LCN8: variants seen among roughly 807,000 people sequenced by gnomAD.
The protein encoded by LCN8 is epididymal-specific lipocalin-8.
In LCN8, 16 loss-of-function variants were observed where a neutral mutation model predicts 22.8. The ratio of observed to expected loss-of-function variants is 0.70; its 90% CI spans 0.47 to 1.06. LCN8 has a LOEUF of 1.06. Among genes scored for constraint, LCN8 ranks in the 50% least tolerant of loss-of-function variants. LCN8 has a pLI of 0.00. For synonymous variants in LCN8, 92 were observed against 83.4 expected (o/e 1.10, Z -0.56); for missense variants, 189 against 203.3 (o/e 0.93, Z 0.43).
At chr9:136,756,125 A>T in intron 3 of LCN8, 1 of 1,045,530 alleles carries the variant, frequency 9.6e-7, no homozygotes, top group Non-Finnish European at 1.3e-6. Context: ...CATGGGGAAC[A>T]GCGCAGGGAA....
At chr9:136,758,398 C>T (rs1847258627), upstream of LCN8, 1 of 1,004,114 alleles carries the variant, frequency 1.0e-6, no homozygotes, top group Non-Finnish European at 1.2e-6. Flanking sequence ...ACCAGAGCCT[C>T]CAGCACTTTC....
chr9:136,757,762 C>T (rs951944796), intron 1 of LCN8, 145 bp downstream of exon 1: 14 of 1,564,292 alleles, frequency 8.9e-6, no homozygotes, highest in Middle Eastern at 1.7e-4. Context: ...ACAGACTCAG[C>T]GGAGAAGAAA....
rs199795045 is a variant in LCN8 at position 136,757,915 on chromosome 9, G to C, written c.16C>G (p.Arg6Gly). The C allele has an allele frequency of 4.6e-5, 74 of 1,613,716 alleles. No individual in the cohort carries two copies. Among genetic ancestry groups the C allele is most frequent in the Non-Finnish European group, 5.9e-5 (70 of 1,179,960 alleles). The change falls in exon 1 of 7, where the codon CGG becomes GGG. Residue 6 changes from arginine to glycine, a missense_variant. Coordinates refer to ENST00000371688, the MANE Select transcript of LCN8 (RefSeq NM_178469.4). Reference sequence around the variant, plus strand: ...TAAGAAGGAGAAGCCACCTTCTGCCGGTCCAGCTCCTCCATGGCTGCTGCC... The same window carrying C: ...TAAGAAGGAGAAGCCACCTTCTGCCCGTCCAGCTCCTCCATGGCTGCTGCC... Reference protein sequence around the residue: MEELDRQKIGGFWREV... With the variant: MEELDGQKIGGFWREV...
At chr9:136,757,341 T>C in intron 1 of LCN8, 173 bp from the exon 2 acceptor site, 1 of 1,445,652 alleles carries the variant, frequency 6.9e-7, no homozygotes, top group Non-Finnish European at 9.1e-7. Flanking sequence ...CAGGCATGTG[T>C]CCCTCCAAGC....
Position 136,754,483 on chromosome 9 carries a change from G to T in LCN8, c.*15C>A. On this transcript the variant is annotated 3_prime_UTR_variant, in exon 7 of 7. Coordinates refer to ENST00000371688, the MANE Select transcript of LCN8 (RefSeq NM_178469.4). ...GCGGGCGCTCCGAACCTTGTGGTCT[G>T]AGGCAGGAACTCCATTAAATCAGCT... The T allele has an allele frequency of 6.4e-7, 1 of 1,557,626 alleles. No homozygotes were observed.
rs1303589493 is a variant in LCN8, at chr9:136,754,567, C to T, written c.448-58G>A. On this transcript the variant is annotated intron_variant, in intron 6 of 6. Coordinates refer to ENST00000371688, the MANE Select transcript of LCN8 (RefSeq NM_178469.4). ...TGTGGTCTCTGGAGGCCCCACGGGG[C>T]TTCGATGAGGGCCACACGGCGGGAC... The T allele has an allele frequency of 2.6e-6, 4 of 1,539,404 alleles. No homozygotes were observed. The African/African-American group carries it at 5.5e-5, about 21-fold the overall frequency.
At position 136,755,156 on chromosome 9, in the gene LCN8, C is replaced by G. The variant is rs1216458214; in HGVS notation, c.426G>C (p.Arg142=). The change falls in exon 6 of 7, where the codon CGG becomes CGC. Residue 142 remains arginine, a synonymous_variant. Transcript: ENST00000371688. The part of the protein sequence containing the change: ...TGLYLAARPG[R]CAELLKEELI ...TCACCTCCTTCAGGAGCTCGGCACA[C>G]CGCCCTGCAGGATAGGCCAGCATGA... 11 of 1,594,258 alleles carry G rather than the reference C, an allele frequency of 6.9e-6. No homozygotes were observed. Among genetic ancestry groups the G allele is most frequent in the African/African-American group, 4.0e-5 (3 of 74,510 alleles).
intron 1 of LCN8, chr9:136,757,398 C>T: frequency 7.7e-6 from 11 of 1,420,572 alleles, no homozygotes; most frequent in Non-Finnish European, 1.0e-5. Context: ...GCAGCCCCTC[C>T]CCACTGGGCC....
Position 136,758,043 on chromosome 9 carries a change from C to T in LCN8, c.-113G>A, listed in dbSNP as rs1341680662. The T allele has an allele frequency of 1.3e-6, 2 of 1,546,644 alleles. No homozygotes were observed. Among genetic ancestry groups the T allele is most frequent in the Non-Finnish European group, 1.7e-6 (2 of 1,148,264 alleles). On this transcript the variant is annotated 5_prime_UTR_variant, in exon 1 of 7. Coordinates refer to ENST00000371688, the MANE Select transcript of LCN8 (RefSeq NM_178469.4). Reference sequence around the variant, plus strand: ...GGTTCCCCTGCTGCACAGCCTGGGCCGATTCTATACGGACAGTGCAGGCTT... The same window carrying T: ...GGTTCCCCTGCTGCACAGCCTGGGCTGATTCTATACGGACAGTGCAGGCTT...
chr9:136,756,612 C>G lies in LCN8; in HGVS notation c.156-20G>C. The G allele has an allele frequency of 6.2e-7, 1 of 1,611,926 alleles. No individual in the cohort carries two copies. Among genetic ancestry groups the G allele is most frequent in the Non-Finnish European group, 8.5e-7 (1 of 1,178,626 alleles). On this transcript the variant is annotated intron_variant, in intron 2 of 6. Coordinates refer to ENST00000371688, the MANE Select transcript of LCN8 (RefSeq NM_178469.4). The stretch of plus-strand genomic sequence containing the variant: ...CCTGAGCTGAAAGGCAGCAAAGTGC[C>G]CATCGGTAAAATGCTAGCCTGTGTC...
Position 136,756,574 on chromosome 9 carries a change from T to G in LCN8, c.174A>C (p.Ile58=). The change falls in exon 3 of 7, where the codon ATA becomes ATC. Residue 58 remains isoleucine, a synonymous_variant. Transcript: ENST00000371688. ...CTATTTCTGAGCCCACGATCTTCTC[T>G]ATCTCACAGCTTCCTGAGCTGAAAG... is the stretch of plus-strand genomic sequence containing the variant. The part of the protein sequence containing the change: ...VAYNSSGSCE[I]EKIVGSEIDS... 6.2e-7 allele frequency: 1 copy of G among 1,613,664 alleles called. No individual in the cohort carries two copies. The highest frequency in any genetic ancestry group is 1.7e-5 in the Admixed American group (1 of 60,026).
intron 1 of LCN8, 176 bp from the exon 2 acceptor site, chr9:136,757,344 C>T: frequency 6.9e-7 from 1 of 1,442,734 alleles, no homozygotes; most frequent in Non-Finnish European, 9.1e-7. Flanking sequence ...GCATGTGTCC[C>T]TCCAAGCGGT....
chr9:136,757,437 C>G, intron 1 of LCN8: 1 of 1,377,876 alleles, frequency 7.3e-7, no homozygotes, highest in South Asian at 1.6e-5. Flanking sequence ...GTCCCTAGGG[C>G]TTCTGCGACA....
rs187445660 is a variant in LCN8 at position 136,758,112 on chromosome 9, C to T, written c.-182G>A. On this transcript the variant is annotated 5_prime_UTR_variant, in exon 1 of 7. Transcript: ENST00000371688. ...GTCATCAGGACAGCTTGGCTGCTGG[C>T]AGCTCAGAGACGTGGGTTTCTGCAC... 132 of 1,460,446 alleles carry T rather than the reference C, an allele frequency of 9.0e-5. No individual in the cohort carries two copies. The highest frequency in any genetic ancestry group is 1.1e-4 in the Non-Finnish European group (121 of 1,105,034). The allele number at this position is 1,460,446 out of a possible 1,614,324, so 90.5% of individuals were successfully genotyped here. A position where few individuals can be genotyped will look rare whatever the true frequency, so the allele number is the denominator to read the frequency against.
upstream of LCN8, chr9:136,758,478 C>G: frequency 1.0e-6 from 1 of 991,338 alleles, no homozygotes; most frequent in Non-Finnish European, 1.2e-6. Flanking sequence ...CTCCGGAGGC[C>G]GGAGGCACAG....
At position 136,755,499 on chromosome 9, in the gene LCN8, C is replaced by T. The variant is rs749219813; in HGVS notation, c.244G>A (p.Val82Met). 7 of 1,612,498 alleles carry T rather than the reference C, an allele frequency of 4.3e-6. No individual in the cohort carries two copies. Among genetic ancestry groups the T allele is most frequent in the Admixed American group, 3.3e-5 (2 of 59,942 alleles). ...TAGCCCTCGTAGTCGGTGTCCAGCA[C>T]GTGGATCTCTCTGTGGCCTTCAAGA... is the stretch of plus-strand genomic sequence containing the variant. Reference protein sequence around the residue: ...FAFPGHREIHVLDTDYEGYAI... With the variant: ...FAFPGHREIHMLDTDYEGYAI... Residue 82 changes from valine to methionine, a missense_variant, in exon 4 of 7, where the codon GTG becomes ATG. Transcript: ENST00000371688.
In LCN8 at chr9:136,754,410, A is replaced by C; in HGVS notation, c.*88T>G. On this transcript the variant is annotated 3_prime_UTR_variant, in exon 7 of 7. Coordinates refer to ENST00000371688, the MANE Select transcript of LCN8 (RefSeq NM_178469.4). ...CTTGACTTCACAGTTTATTCAGAGCAGGTGCAGGTGACCTGGTGGGCAGGG... is the reference window on the plus strand; with the variant it reads ...CTTGACTTCACAGTTTATTCAGAGCCGGTGCAGGTGACCTGGTGGGCAGGG... 1 of 1,370,516 alleles carries C rather than the reference A, an allele frequency of 7.3e-7. No individual in the cohort carries two copies. Among genetic ancestry groups the C allele is most frequent in the Non-Finnish European group, 9.7e-7 (1 of 1,032,314 alleles). The allele number at this position is 1,370,516 out of a possible 1,614,324, so 84.9% of individuals were successfully genotyped here.
rs1847250171 is a variant in LCN8, at chr9:136,757,973, G to C, written c.-43C>G. 2.5e-6 allele frequency: 4 copies of C among 1,611,172 alleles called. No individual in the cohort carries two copies. The highest frequency in any genetic ancestry group is 1.1e-5 in the South Asian group (1 of 90,880). ...CCCGGAGCACCACGAGGACACCCAG[G>C]ATGGTGCACGGCAGCCTGGCCTCCG... On this transcript the variant is annotated 5_prime_UTR_variant, in exon 1 of 7. In the 5' UTR this introduces an upstream ATG that the reference lacks. Coordinates refer to ENST00000371688, the MANE Select transcript of LCN8 (RefSeq NM_178469.4).
In LCN8 at chr9:136,755,474, T is replaced by C. The variant is rs1588306949; in HGVS notation, c.269A>G (p.Tyr90Cys). ...CATCAGGGACACCCGCAGGATGGCG[T>C]AGCCCTCGTAGTCGGTGTCCAGCAC... Reference protein sequence around the residue: ...IHVLDTDYEGYAILRVSLMWR... With the variant: ...IHVLDTDYEGCAILRVSLMWR... Residue 90 changes from tyrosine (Y) to cysteine (C), a missense_variant, in exon 4 of 7, where the codon TAC becomes TGC. By Grantham distance (194) the Tyr-to-Cys change is radical. Transcript: ENST00000371688. The C allele has an allele frequency of 3.1e-6, 5 of 1,613,192 alleles. No individual in the cohort carries two copies. The highest frequency in any genetic ancestry group is 4.2e-6 in the Non-Finnish European group (5 of 1,179,994).
Sources: gnomAD v4.1 joint callset for allele counts on GRCh38, gnomAD v4.1.1 for gene constraint, MANE v1.5 for transcripts, NCBI Gene and HGNC (gene_info 2026-07-23, HGNC 2026-07-21) for gene names.